PIBF1: variants seen among roughly 807,000 people sequenced by gnomAD.
PIBF1 encodes the protein progesterone immunomodulatory binding factor 1.
In PIBF1, 90 loss-of-function variants were observed where a neutral mutation model predicts 112.5. The observed-to-expected ratio is 0.80, with a 90% confidence interval of 0.67 to 0.95. The LOEUF (loss-of-function observed/expected upper bound fraction) is 0.95, where lower values mean the gene tolerates loss of function less well. Among genes scored for constraint, PIBF1 ranks in the 40% least tolerant of loss-of-function variants. The pLI is 0.00. For synonymous variants in PIBF1, 301 were observed against 288.6 expected, an observed-to-expected ratio of 1.04 and a Z score of -0.44; for missense variants, 915 against 852.3, an observed-to-expected ratio of 1.07 and a Z score of -0.92.
chr13:72,997,952 A>G (rs2139024880), intron 16 of PIBF1, among the ~76,000 whole-genome samples: 1 of 152,296 alleles, frequency 6.6e-6, no homozygotes, highest in East Asian at 1.9e-4. Flanking sequence ...AGAACGGGTG[A>G]AATTTTTGAT....
At chr13:72,842,768 A>G (rs1330559226) in intron 9 of PIBF1, among the ~76,000 whole-genome samples, 2 of 152,226 alleles carry the variant, frequency 1.3e-5, no homozygotes, top group African/African-American at 2.4e-5. Flanking sequence ...GAAAAATTTA[A>G]TAGTAATTAC....
intron 13 of PIBF1, among the ~76,000 whole-genome samples, chr13:72,918,443 A>C (rs2138700798): frequency 6.9e-6 from 1 of 145,252 alleles, no homozygotes; most frequent in Admixed American, 7.2e-5. Context: ...CCTGGAGTGC[A>C]ATGGCACAGT....
At chr13:72,916,691 C>G (rs1415899036) in intron 12 of PIBF1, among the ~76,000 whole-genome samples, 1 of 151,688 alleles carries the variant, frequency 6.6e-6, no homozygotes, top group South Asian at 2.1e-4. Context: ...AATATTTGTC[C>G]TAATTTAAAA....
At chr13:72,835,767 G>T (rs1159486517) in intron 9 of PIBF1, among the ~76,000 whole-genome samples, 2 of 152,164 alleles carry the variant, frequency 1.3e-5, no homozygotes, top group Non-Finnish European at 2.9e-5. Context: ...TCATTTAGCT[G>T]CTGGCTCCGA....
At chr13:72,899,734 A>G (rs568888925) in intron 11 of PIBF1, among the ~76,000 whole-genome samples, 23 of 152,332 alleles carry the variant, frequency 1.5e-4, no homozygotes, top group Non-Finnish European at 2.8e-4. Flanking sequence ...TCTTCAATAT[A>G]GTACTGGAAG....
chr13:72,949,563 C>T (rs377400486), intron 14 of PIBF1, among the ~76,000 whole-genome samples: 8 of 152,008 alleles, frequency 5.3e-5, no homozygotes, highest in East Asian at 3.9e-4. Flanking sequence ...GTGATCTGCC[C>T]GCCTCGGCCT....
intron 14 of PIBF1, among the ~76,000 whole-genome samples, chr13:72,958,057 G>T (rs76196065): frequency 6.6e-6 from 1 of 151,816 alleles, no homozygotes; most frequent in Non-Finnish European, 1.5e-5. Flanking sequence ...CTCTTGAGCC[G>T]AGGAGTTTGA....
chr13:72,873,529 A>AG (rs1230128361), intron 10 of PIBF1, among the ~76,000 whole-genome samples: 1 of 151,908 alleles, frequency 6.6e-6, no homozygotes, highest in Non-Finnish European at 1.5e-5. Context: ...CAGCCTCCCA[A>AG]GTAGCTGGGA....
chr13:72,827,705 G>C, intron 7 of PIBF1, 28 bp from the exon 8 acceptor site: 3 of 1,324,942 alleles, frequency 2.3e-6, no homozygotes, highest in Admixed American at 2.3e-5. Flanking sequence ...CATCACTGTG[G>C]ATACTTTTTG....
chr13:72,960,503 A>G (rs1206679809), intron 14 of PIBF1, among the ~76,000 whole-genome samples: 1 of 152,260 alleles, frequency 6.6e-6, no homozygotes, highest in Non-Finnish European at 1.5e-5. Context: ...ATTTTGTGCA[A>G]CTAAAATAAT....
At chr13:72,890,119 A>C (rs918751618) in intron 10 of PIBF1, among the ~76,000 whole-genome samples, 1 of 152,186 alleles carries the variant, frequency 6.6e-6, no homozygotes, top group Non-Finnish European at 1.5e-5. Context: ...TAGAGTCTAC[A>C]TGTAAAGACT....
intron 11 of PIBF1, among the ~76,000 whole-genome samples, chr13:72,907,726 A>G (rs1295317496): frequency 1.3e-5 from 2 of 152,108 alleles, no homozygotes; most frequent in Non-Finnish European, 2.9e-5. Context: ...ATTATGTTGT[A>G]TTAGAAAGCA....
chr13:72,836,693 A>G (rs973543783), intron 9 of PIBF1, among the ~76,000 whole-genome samples: 1 of 152,110 alleles, frequency 6.6e-6, no homozygotes, highest in Non-Finnish European at 1.5e-5. Context: ...GTTCTTGGGT[A>G]AAAATATTTG....
intron 5 of PIBF1, among the ~76,000 whole-genome samples, chr13:72,818,486 G>A (rs767092137): frequency 1.3e-5 from 2 of 152,056 alleles, no homozygotes; most frequent in Non-Finnish European, 2.9e-5. Context: ...TTGCCATCCA[G>A]AACTGATTTA....
chr13:72,923,703 G>A (rs1052991541), intron 13 of PIBF1, among the ~76,000 whole-genome samples: 1 of 152,162 alleles, frequency 6.6e-6, no homozygotes, highest in Non-Finnish European at 1.5e-5. Flanking sequence ...GGTGGCTCAC[G>A]CCTATAATCC....
At chr13:72,835,182 A>G (rs1038522963) in intron 8 of PIBF1, 61 bp from the exon 9 acceptor site, 1 of 1,266,534 alleles carries the variant, frequency 7.9e-7, no homozygotes, top group African/African-American at 1.5e-5. Context: ...TCTTACGTAC[A>G]GTGCAAAAGC....
chr13:72,899,650 A>G (rs1361328457), intron 11 of PIBF1, among the ~76,000 whole-genome samples: 1 of 152,210 alleles, frequency 6.6e-6, no homozygotes, highest in African/African-American at 2.4e-5. Flanking sequence ...CCAACATAAT[A>G]CTGAATGGGG....
At chr13:72,886,236 A>T (rs1187393299) in intron 10 of PIBF1, among the ~76,000 whole-genome samples, 2 of 151,650 alleles carry the variant, frequency 1.3e-5, no homozygotes, top group Non-Finnish European at 2.9e-5. Context: ...TATGTTCTGA[A>T]TTTTTTTCTT....
intron 3 of PIBF1, among the ~76,000 whole-genome samples, chr13:72,793,843 G>A (rs745648991): frequency 6.6e-6 from 1 of 152,188 alleles, no homozygotes; most frequent in Non-Finnish European, 1.5e-5. Context: ...CAAAGGTTTT[G>A]TGAGTAAAAA....
Sources: allele counts gnomAD v4.1 joint callset (sites outside exome capture counted in the v4.1 genomes callset), GRCh38; gene constraint gnomAD v4.1.1; transcripts MANE v1.5; gene names NCBI Gene and HGNC (gene_info 2026-07-23, HGNC 2026-07-21).